SLC24A2: variants seen among roughly 807,000 people sequenced by gnomAD.
The protein encoded by SLC24A2 is solute carrier family 24 member 2, also known as sodium/potassium/calcium exchanger 2.
A neutral mutation model predicts 62.0 loss-of-function variants in SLC24A2; 36 were observed. The ratio of observed to expected loss-of-function variants is 0.58; its 90% CI spans 0.44 to 0.77. The LOEUF (loss-of-function observed/expected upper bound fraction) is 0.77. SLC24A2 is among the 30% of genes least tolerant of loss of function. The probability of loss-of-function intolerance (pLI) is 0.00; values close to 1 mark genes in which losing one functional copy is unlikely to be tolerated. For synonymous variants in SLC24A2, 358 were observed against 294.0 expected, an observed-to-expected ratio of 1.22 and a Z score of -2.23; for missense variants, 846 against 817.9, an observed-to-expected ratio of 1.03 and a Z score of -0.42.
the SLC24A2 span, among the ~76,000 whole-genome samples, chr9:20,062,856 G>A: frequency 6.3e-5 from 8 of 127,048 alleles, no homozygotes; most frequent in Non-Finnish European, 1.3e-4. Context: ...CTTCTCAAAA[G>A]AAGACATTTA....
intron 2 of SLC24A2, among the ~76,000 whole-genome samples, chr9:19,769,160 A>G (rs763835787): frequency 2.6e-5 from 4 of 152,146 alleles, no homozygotes; most frequent in Non-Finnish European, 5.9e-5. Flanking sequence ...CCCCTTTTCC[A>G]TTAAGTGCAA....
At chr9:20,026,628 A>T in the SLC24A2 span, among the ~76,000 whole-genome samples, 12 of 152,234 alleles carry the variant, frequency 7.9e-5, no homozygotes, top group South Asian at 2.1e-3. Flanking sequence ...CACATGCCGA[A>T]TAATGAAATC....
At chr9:19,725,094 C>A (rs1014396713) in intron 2 of SLC24A2, among the ~76,000 whole-genome samples, 11 of 152,088 alleles carry the variant, frequency 7.2e-5, no homozygotes. Flanking sequence ...TAATTTTGTA[C>A]CCCTAGAGGC....
chr9:19,751,502 T>C (rs1269912231), intron 2 of SLC24A2, among the ~76,000 whole-genome samples: 3 of 152,164 alleles, frequency 2.0e-5, no homozygotes, highest in Non-Finnish European at 4.4e-5. Context: ...CCTATTAAAC[T>C]TTCCCAGGTG....
At chr9:20,041,317 G>T in the SLC24A2 span, among the ~76,000 whole-genome samples, 2 of 152,380 alleles carry the variant, frequency 1.3e-5, no homozygotes, top group East Asian at 3.9e-4. Context: ...CCTGTAGGAA[G>T]TGTCAGTCCT....
chr9:19,832,950 C>G, the SLC24A2 span, among the ~76,000 whole-genome samples: 1 of 152,174 alleles, frequency 6.6e-6, no homozygotes, highest in East Asian at 1.9e-4. Flanking sequence ...AGACACTTCT[C>G]AAAAGAAGAC....
chr9:19,535,920 A>T (rs1833947681), intron 8 of SLC24A2, among the ~76,000 whole-genome samples: 1 of 152,110 alleles, frequency 6.6e-6, no homozygotes, highest in South Asian at 2.1e-4. Flanking sequence ...TGAATCTATA[A>T]ATTACTTTGG....
the SLC24A2 span, among the ~76,000 whole-genome samples, chr9:20,057,453 C>T: frequency 1.3e-5 from 2 of 152,264 alleles, no homozygotes; most frequent in African/African-American, 4.8e-5. Flanking sequence ...TAACCAGACA[C>T]CAGTTATTTG....
chr9:20,210,703 A>C, the SLC24A2 span, among the ~76,000 whole-genome samples: 2 of 119,920 alleles, frequency 1.7e-5, no homozygotes, highest in Admixed American at 1.2e-4. Context: ...ACGGGGTTTC[A>C]CCGTATTAGC....
chr9:19,543,801 G>A (rs965118686), intron 8 of SLC24A2, among the ~76,000 whole-genome samples: 1 of 151,572 alleles, frequency 6.6e-6, no homozygotes, highest in Admixed American at 6.6e-5. Flanking sequence ...GAGACTGTTT[G>A]TTATGATTTC....
chr9:20,232,429 T>C, the SLC24A2 span, among the ~76,000 whole-genome samples: 1 of 152,214 alleles, frequency 6.6e-6, no homozygotes, highest in African/African-American at 2.4e-5. Flanking sequence ...TATTGGTCTA[T>C]TCAGAAATTC....
At chr9:20,205,062 T>A in the SLC24A2 span, among the ~76,000 whole-genome samples, 28 of 152,208 alleles carry the variant, frequency 1.8e-4, no homozygotes, top group Admixed American at 1.8e-3. Context: ...TAATTTTTTT[T>A]AAACACGACC....
At chr9:19,861,308 G>C in the SLC24A2 span, among the ~76,000 whole-genome samples, 1 of 152,184 alleles carries the variant, frequency 6.6e-6, no homozygotes. Flanking sequence ...GTAATTCAAA[G>C]AATTCTTCCA....
the SLC24A2 span, among the ~76,000 whole-genome samples, chr9:19,808,785 T>C: frequency 2.4e-3 from 367 of 152,348 alleles, no homozygotes; most frequent in African/African-American, 8.4e-3. The surrounding 1 kb of genome is among the most constrained non-coding windows in gnomAD (Gnocchi z 4.1). Flanking sequence ...TCTTCCCTTT[T>C]ATGGGCTGAC....
the SLC24A2 span, among the ~76,000 whole-genome samples, chr9:19,977,540 T>C: frequency 1.3e-5 from 2 of 152,050 alleles, no homozygotes; most frequent in African/African-American, 4.8e-5. Context: ...ACAAGTTCCT[T>C]GTATAGAGAA....
the SLC24A2 span, among the ~76,000 whole-genome samples, chr9:20,207,098 C>G: frequency 6.6e-6 from 1 of 152,186 alleles, no homozygotes; most frequent in Non-Finnish European, 1.5e-5. Context: ...GAGTAACATT[C>G]ACTGAAGGAA....
the SLC24A2 span, among the ~76,000 whole-genome samples, chr9:19,937,300 G>A: frequency 6.6e-6 from 1 of 152,178 alleles, no homozygotes; most frequent in Non-Finnish European, 1.5e-5. Flanking sequence ...AAGAAGGCAT[G>A]GAGAGATGAT....
chr9:20,033,762 T>A, the SLC24A2 span, among the ~76,000 whole-genome samples: 2 of 152,160 alleles, frequency 1.3e-5, no homozygotes, highest in South Asian at 4.1e-4. Context: ...CTTGTGAGAA[T>A]TCCCTGCCCC....
At chr9:20,299,305 G>C in the SLC24A2 span, among the ~76,000 whole-genome samples, 2 of 152,220 alleles carry the variant, frequency 1.3e-5, no homozygotes, top group Non-Finnish European at 2.9e-5. Flanking sequence ...TAGCATGTGG[G>C]AAAGGAGCTT....
Sources: allele counts gnomAD v4.1 joint callset (sites outside exome capture counted in the v4.1 genomes callset), GRCh38; gene constraint gnomAD v4.1.1; non-coding constraint Gnocchi (gnomAD v3.1); transcripts MANE v1.5; gene names NCBI Gene and HGNC (gene_info 2026-07-23, HGNC 2026-07-21).